Variants in NTRK2 observed in about 807,000 individuals in gnomAD.
NTRK2 encodes neurotrophic receptor tyrosine kinase 2.
NTRK2 carries 13 observed loss-of-function variants against 94.5 expected under a neutral mutation model. The ratio of observed to expected loss-of-function variants is 0.14; its 90% CI spans 0.09 to 0.22. The LOEUF is 0.22. Ranked by LOEUF, NTRK2 falls within the 10% of genes least tolerant of loss-of-function variation. The pLI is 1.00. For synonymous variants in NTRK2, 372 were observed against 407.4 expected (o/e 0.91, Z 1.05); for missense variants, 639 against 1,071.2 (o/e 0.60, Z 5.63).
chr9:84,861,123 A>G, intron 13 of NTRK2, 36 bp downstream of exon 13: 3 of 1,490,340 alleles, frequency 2.0e-6, no homozygotes, highest in Non-Finnish European at 1.9e-6. Context: ...TGGATAAGTA[A>G]TGAGTCTATG....
chr9:84,803,284 C>T lies in NTRK2; in HGVS notation c.1396+51199C>T, dbSNP rs370895605. Among the ~76,000 whole-genome samples, 93 of 152,296 alleles carry T rather than the reference C, an allele frequency of 6.1e-4. 3 individuals are homozygous for T. The South Asian group carries it at 0.018, about 29-fold the overall frequency. On this transcript the variant is annotated intron_variant, in intron 12 of 18. Transcript: ENST00000277120. ...AAGAACCTTCTTTCTTCCTCATAAT[C>T]CTCCTCTGTTTTCAAGTTTGGGCAC...
At chr9:84,924,510 C>G (rs1480156830) in intron 14 of NTRK2, among the ~76,000 whole-genome samples, 1 of 152,168 alleles carries the variant, frequency 6.6e-6, no homozygotes, top group Non-Finnish European at 1.5e-5. Flanking sequence ...AAGTATTGTT[C>G]CAGCGGGGAG....
intron 12 of NTRK2, among the ~76,000 whole-genome samples, chr9:84,851,519 A>G (rs1044081916): frequency 3.3e-5 from 5 of 152,216 alleles, no homozygotes; most frequent in African/African-American, 7.2e-5. Context: ...ACTTCCTAAC[A>G]GAAGAGTACA....
chr9:84,929,999 A>G (rs926554092), intron 14 of NTRK2, among the ~76,000 whole-genome samples: 1 of 152,196 alleles, frequency 6.6e-6, no homozygotes, highest in Admixed American at 6.5e-5. Context: ...GTGATAGCTT[A>G]TTTATCATGG....
At chr9:85,020,388 C>T (rs200253869) in intron 18 of NTRK2, 24 bp downstream of exon 18, 41 of 1,613,604 alleles carry the variant, frequency 2.5e-5, no homozygotes, top group Admixed American at 2.0e-4. Flanking sequence ...CTGGCCAAGA[C>T]CCTCCAGAGG....
intron 11 of NTRK2, among the ~76,000 whole-genome samples, chr9:84,750,704 A>C (rs886913437): frequency 6.6e-6 from 1 of 152,252 alleles, no homozygotes; most frequent in African/African-American, 2.4e-5. Flanking sequence ...CAAAGCCTGA[A>C]GTATTTACCA....
chr9:84,797,647 A>AATTATATATTATATATTATATATACT (rs2069594772), intron 12 of NTRK2, among the ~76,000 whole-genome samples: 1 of 53,638 alleles, frequency 1.9e-5, no homozygotes, highest in East Asian at 4.6e-4. Flanking sequence ...TATATACTAT[A>AATTATATATTATATATTATATATACT]ATAATATATA....
chr9:84,747,661 T>C (rs1273377340), intron 11 of NTRK2, among the ~76,000 whole-genome samples: 1 of 151,970 alleles, frequency 6.6e-6, no homozygotes, highest in East Asian at 1.9e-4. Context: ...TGTATTTTAT[T>C]TAGTAGAGAC....
intron 14 of NTRK2, among the ~76,000 whole-genome samples, chr9:84,903,756 C>T (rs1439264342): frequency 3.3e-5 from 5 of 151,702 alleles, no homozygotes; most frequent in Non-Finnish European, 5.9e-5. Context: ...CTCTCTCTCT[C>T]TCTCAGATTA....
At chr9:84,946,582 G>A (rs2078605288) in intron 15 of NTRK2, among the ~76,000 whole-genome samples, 1 of 152,200 alleles carries the variant, frequency 6.6e-6, no homozygotes, top group African/African-American at 2.4e-5. Context: ...ACAGCAATGA[G>A]GGGTGGTCAG....
intron 12 of NTRK2, among the ~76,000 whole-genome samples, chr9:84,803,292 G>A (rs894035054): frequency 6.6e-6 from 1 of 152,204 alleles, no homozygotes; most frequent in African/African-American, 2.4e-5. Flanking sequence ...ATCCTCCTCT[G>A]TTTTCAAGTT....
intron 14 of NTRK2, among the ~76,000 whole-genome samples, chr9:84,925,527 C>T (rs1011701278): frequency 6.6e-6 from 1 of 152,114 alleles, no homozygotes; most frequent in Non-Finnish European, 1.5e-5. Flanking sequence ...TCTGTCTTTC[C>T]CTGATTTTCC....
In NTRK2 at chr9:84,723,622, A is replaced by G. The variant is rs1257859939; in HGVS notation, c.633A>G (p.Gly211=). ...CACCTAACCTCACTGTGGAGGAAGG[A>G]AAGTCTATCACATTATCCTGTAGTG... ...LAAPNLTVEE[G]KSITLSCSVA... is the part of the protein sequence containing the mutation. The change falls in exon 7 of 19, where the codon GGA becomes GGG. Residue 211 remains glycine (G), a synonymous_variant. Coordinates refer to ENST00000277120, the MANE Select transcript of NTRK2 (RefSeq NM_006180.6). The G allele has an allele frequency of 2.5e-6, 4 of 1,614,034 alleles. No individual in the cohort carries two copies. The Admixed American group carries it at 5.0e-5, about 20-fold the overall frequency.
chr9:84,890,880 C>CAGA (rs1477202537), intron 14 of NTRK2, among the ~76,000 whole-genome samples: 1 of 152,192 alleles, frequency 6.6e-6, no homozygotes, highest in East Asian at 1.9e-4. Flanking sequence ...GACTGGCAGA[C>CAGA]AGAAGTCTGA....
chr9:84,724,134 T>A, intron 7 of NTRK2, 90 bp from the exon 8 acceptor site: 1 of 1,359,538 alleles, frequency 7.4e-7, no homozygotes, highest in Non-Finnish European at 1.1e-6. Context: ...TATATACATA[T>A]TTTCTCTAGT....
At position 84,876,031 on chromosome 9, in the gene NTRK2, T is replaced by C. The variant is rs202116040; in HGVS notation, c.1633+8600T>C. On this transcript the variant is annotated intron_variant, in intron 14 of 18. Coordinates refer to ENST00000277120, the MANE Select transcript of NTRK2 (RefSeq NM_006180.6). ...TAATCCTAGTTTCTATATATTATTTTTATTCATTACTGTATATGGGTAGAG... is the reference window on the plus strand; with the variant it reads ...TAATCCTAGTTTCTATATATTATTTCTATTCATTACTGTATATGGGTAGAG... 39 of 1,025,620 alleles carry C rather than the reference T, an allele frequency of 3.8e-5. 1 individual carries two copies. Among genetic ancestry groups the C allele is most frequent in the Non-Finnish European group, 3.1e-5 (26 of 852,172 alleles). The allele number at this position is 1,025,620 out of a possible 1,614,324, so 63.5% of individuals were successfully genotyped here.
chr9:84,839,920 C>CT (rs984783370), intron 12 of NTRK2, among the ~76,000 whole-genome samples: 5 of 152,134 alleles, frequency 3.3e-5, no homozygotes, highest in African/African-American at 1.2e-4. Flanking sequence ...TTCTTGGCTA[C>CT]TTTTTTCTCA....
chr9:84,784,860 C>A (rs2067969432), intron 12 of NTRK2, among the ~76,000 whole-genome samples: 1 of 152,148 alleles, frequency 6.6e-6, no homozygotes. Flanking sequence ...GAGTTATTAA[C>A]ATTTTAATTT....
intron 13 of NTRK2, among the ~76,000 whole-genome samples, chr9:84,867,036 C>T (rs965271021): frequency 7.9e-5 from 12 of 152,194 alleles, no homozygotes; most frequent in South Asian, 4.1e-4. Context: ...TGAATGTCTA[C>T]GGCTGAAAGT....
Sources: gnomAD v4.1 joint callset for allele counts (sites outside exome capture counted in the v4.1 genomes callset) on GRCh38, gnomAD v4.1.1 for gene constraint, MANE v1.5 for transcripts, NCBI Gene and HGNC (gene_info 2026-07-23, HGNC 2026-07-21) for gene names.